AUTS2: variants seen among roughly 807,000 people sequenced by gnomAD.
AUTS2 encodes activator of transcription and developmental regulator AUTS2, also known as autism susceptibility gene 2 protein.
A neutral mutation model predicts 112.4 loss-of-function variants in AUTS2; 17 were observed. The observed-to-expected ratio is 0.15, with a 90% CI of 0.10 to 0.23. The LOEUF is 0.23. Ranked by LOEUF, AUTS2 falls within the 10% of genes least tolerant of loss-of-function variation. The pLI is 1.00. For synonymous variants in AUTS2, 751 were observed against 702.7 expected (o/e 1.07, Z -1.09); for missense variants, 1,510 against 1,701.6 (o/e 0.89, Z 1.98).
intron 4 of AUTS2, among the ~76,000 whole-genome samples, chr7:70,377,334 ATATATATAT>A (rs1793143125): frequency 2.2e-5 from 1 of 45,198 alleles, no homozygotes; most frequent in Non-Finnish European, 4.4e-5. Flanking sequence ...AAATATATAT[ATATATATAT>A]ATATATATAT....
chr7:69,996,634 G>C (rs1468453963), intron 2 of AUTS2, among the ~76,000 whole-genome samples: 2 of 151,940 alleles, frequency 1.3e-5, no homozygotes, highest in Admixed American at 1.3e-4. Flanking sequence ...TCGCCCACCC[G>C]CTTCCCTTTC....
chr7:70,436,633 T>C (rs575836612), intron 5 of AUTS2: 1 of 152,386 alleles, frequency 6.6e-6, no homozygotes, highest in South Asian at 2.1e-4. Context: ...GGACTCGGCC[T>C]CCCTTCCCCC....
rs146040203 is a variant in AUTS2, at chr7:70,002,769, G to A, written c.522+103271G>A. On this transcript the variant is annotated intron_variant, in intron 2 of 18. Transcript: ENST00000342771. Reference sequence around the variant, plus strand: ...GACTGTACTTTGTATTTGGGGAAGAGGGGATAGAAACATTGAAGGTAAGAT... The same window carrying A: ...GACTGTACTTTGTATTTGGGGAAGAAGGGATAGAAACATTGAAGGTAAGAT... Among the ~76,000 whole-genome samples, 3 of 152,126 alleles carry A rather than the reference G, an allele frequency of 2.0e-5. No homozygotes were observed. In the East Asian group the frequency reaches 5.8e-4, roughly 29 times the overall value.
chr7:69,746,846 G>T (rs1174786984), intron 1 of AUTS2, among the ~76,000 whole-genome samples: 1 of 152,106 alleles, frequency 6.6e-6, no homozygotes, highest in Non-Finnish European at 1.5e-5. Context: ...AATGGAGTTT[G>T]TGGGGGGAAA....
intron 2 of AUTS2, among the ~76,000 whole-genome samples, chr7:69,906,419 G>T (rs1795150676): frequency 6.6e-6 from 1 of 152,194 alleles, no homozygotes; most frequent in Non-Finnish European, 1.5e-5. Flanking sequence ...TGTGTGGTTT[G>T]CACTGGTGGT....
At chr7:69,793,709 T>C (rs375330751) in intron 1 of AUTS2, among the ~76,000 whole-genome samples, 44 of 152,278 alleles carry the variant, frequency 2.9e-4, no homozygotes, top group African/African-American at 1.1e-3. Flanking sequence ...AGATCAGAAC[T>C]TCTGGAATTT....
intron 4 of AUTS2, among the ~76,000 whole-genome samples, chr7:70,276,238 T>C (rs1314752768): frequency 6.6e-6 from 1 of 152,164 alleles, no homozygotes; most frequent in East Asian, 1.9e-4. Flanking sequence ...GCCTATAAAA[T>C]ATTCAACGAT....
intron 2 of AUTS2, among the ~76,000 whole-genome samples, chr7:69,965,842 G>A (rs950383688): frequency 2.6e-5 from 4 of 152,076 alleles, no homozygotes; most frequent in African/African-American, 7.2e-5. Flanking sequence ...TGCAGATCTC[G>A]TAAGACACAC....
At chr7:69,976,943 G>C (rs554791953) in intron 2 of AUTS2, among the ~76,000 whole-genome samples, 1 of 152,120 alleles carries the variant, frequency 6.6e-6, no homozygotes, top group Non-Finnish European at 1.5e-5. Flanking sequence ...TTTTAAGTTT[G>C]ATGTAGTTCC....
chr7:70,557,494 A>G (rs534911461), intron 5 of AUTS2, among the ~76,000 whole-genome samples: 1 of 152,354 alleles, frequency 6.6e-6, no homozygotes, highest in Non-Finnish European at 1.5e-5. Context: ...TTTGCAGATT[A>G]GCCTGTTTGT....
At chr7:70,789,446 A>G (rs1397305202) in intron 18 of AUTS2, among the ~76,000 whole-genome samples, 1 of 152,094 alleles carries the variant, frequency 6.6e-6, no homozygotes, top group Non-Finnish European at 1.5e-5. Flanking sequence ...GGCTTTCTGG[A>G]AGCTCTTCTT....
chr7:69,876,484 GTATATATATATATATATATATATATATA>G (rs58131271), intron 1 of AUTS2, among the ~76,000 whole-genome samples: 1,307 of 54,250 alleles, frequency 0.024, 57 homozygotes, highest in African/African-American at 0.034. Context: ...AATATTTTGT[GTATATATATATATATATATATATATATA>G]TATATATATA....
chr7:70,754,364 C>G (rs181101719), intron 6 of AUTS2, among the ~76,000 whole-genome samples: 3 of 152,058 alleles, frequency 2.0e-5, no homozygotes, highest in Non-Finnish European at 4.4e-5. Flanking sequence ...TGGCACATGC[C>G]TCAGCCTCCC....
At chr7:70,680,935 A>G (rs1045845484) in intron 5 of AUTS2, among the ~76,000 whole-genome samples, 3 of 152,202 alleles carry the variant, frequency 2.0e-5, no homozygotes, top group African/African-American at 7.2e-5. Flanking sequence ...AACACTTGTA[A>G]TTAAATCCAT....
At chr7:70,370,881 G>C (rs1792808439) in intron 4 of AUTS2, among the ~76,000 whole-genome samples, 1 of 151,930 alleles carries the variant, frequency 6.6e-6, no homozygotes, top group Admixed American at 6.6e-5. Flanking sequence ...TGGGTGTGAA[G>C]TTGTATCTCA....
intron 2 of AUTS2, among the ~76,000 whole-genome samples, chr7:69,924,415 G>C (rs981784616): frequency 3.3e-5 from 5 of 151,946 alleles, no homozygotes; most frequent in Admixed American, 3.3e-4. Flanking sequence ...TATTTGTCTG[G>C]TTTTATTATC....
chr7:70,148,353 T>C (rs1050426047), intron 4 of AUTS2, among the ~76,000 whole-genome samples: 1 of 152,124 alleles, frequency 6.6e-6, no homozygotes, highest in Non-Finnish European at 1.5e-5. Context: ...TTCCTTATAT[T>C]CTCAGATAAT....
chr7:69,869,763 C>T (rs1417180251), intron 1 of AUTS2, among the ~76,000 whole-genome samples: 1 of 152,098 alleles, frequency 6.6e-6, no homozygotes, highest in Non-Finnish European at 1.5e-5. Context: ...TCAAATTATA[C>T]TGGGAAACAA....
intron 4 of AUTS2, among the ~76,000 whole-genome samples, chr7:70,384,525 A>G (rs1476844711): frequency 6.6e-6 from 1 of 152,186 alleles, no homozygotes; most frequent in East Asian, 1.9e-4. Flanking sequence ...CACTCCTGTC[A>G]TGCTGCACAA....
Sources: gnomAD v4.1 joint callset for allele counts (sites outside exome capture counted in the v4.1 genomes callset) on GRCh38, gnomAD v4.1.1 for gene constraint, MANE v1.5 for transcripts, NCBI Gene and HGNC (gene_info 2026-07-23, HGNC 2026-07-21) for gene names.